The following KSR2 variants were observed in gnomAD, a reference collection of about 807,000 sequenced individuals.
The protein encoded by KSR2 is kinase suppressor of ras 2.
In KSR2, 25 loss-of-function variants were observed where a neutral mutation model predicts 107.8. The observed-to-expected ratio is 0.23, with a 90% CI of 0.17 to 0.32. The LOEUF is 0.32. Ranked by LOEUF, KSR2 falls within the 10% of genes least tolerant of loss-of-function variation. The pLI is 1.00. For missense variants in KSR2, 887 were observed against 1,268.9 expected, an observed-to-expected ratio of 0.70 and a Z score of 4.57; for synonymous variants, 480 against 507.0, an observed-to-expected ratio of 0.95 and a Z score of 0.71.
At chr12:117,493,068 C>T (rs961551325) in intron 14 of KSR2, among the ~76,000 whole-genome samples, 1 of 152,130 alleles carries the variant, frequency 6.6e-6, no homozygotes, top group Non-Finnish European at 1.5e-5. Flanking sequence ...GCAGTAAGTG[C>T]TGCCTCGTGA....
chr12:117,643,227 G>C (rs772610879), intron 5 of KSR2, among the ~76,000 whole-genome samples: 15 of 152,198 alleles, frequency 9.9e-5, no homozygotes, highest in Non-Finnish European at 2.1e-4. Context: ...GATCACTTGA[G>C]GCCGGAAGCG....
intron 4 of KSR2, among the ~76,000 whole-genome samples, chr12:117,671,347 G>C (rs909139386): frequency 5.6e-4 from 86 of 152,314 alleles, no homozygotes; most frequent in African/African-American, 2.0e-3. Context: ...TAGATAGATA[G>C]ATAGATAGAC....
At chr12:117,721,695 CACAA>C (rs376140217) in intron 4 of KSR2, among the ~76,000 whole-genome samples, 16 of 152,266 alleles carry the variant, frequency 1.1e-4, no homozygotes, top group Middle Eastern at 3.4e-3. Context: ...GCATAGGATT[CACAA>C]ACAGAGTGCA....
At chr12:117,588,950 A>T (rs1428996087) in intron 5 of KSR2, among the ~76,000 whole-genome samples, 1 of 152,242 alleles carries the variant, frequency 6.6e-6, no homozygotes, top group Non-Finnish European at 1.5e-5. Context: ...TCTTGCAGCT[A>T]TGTCTTCATT....
intron 5 of KSR2, among the ~76,000 whole-genome samples, chr12:117,659,199 T>C (rs750329161): frequency 1.3e-5 from 2 of 152,122 alleles, no homozygotes; most frequent in South Asian, 2.1e-4. Flanking sequence ...CAGACACAAA[T>C]GGCCCCCTTG....
chr12:117,574,031 GT>G (rs1879082490), intron 7 of KSR2, among the ~76,000 whole-genome samples: 1 of 152,048 alleles, frequency 6.6e-6, no homozygotes, highest in Non-Finnish European at 1.5e-5. Context: ...GCTTGATTTT[GT>G]TTTTTAAACC....
intron 1 of KSR2, among the ~76,000 whole-genome samples, chr12:117,940,952 G>T (rs950283798): frequency 6.6e-6 from 1 of 152,002 alleles, no homozygotes; most frequent in Non-Finnish European, 1.5e-5. Flanking sequence ...CGGGCATGGT[G>T]GTGGTTACCT....
chr12:117,532,269 C>A (rs1321590102), intron 10 of KSR2, among the ~76,000 whole-genome samples: 1 of 152,172 alleles, frequency 6.6e-6, no homozygotes, highest in Non-Finnish European at 1.5e-5. Flanking sequence ...AGCTTAGTTC[C>A]TTCTGAAGGC....
At chr12:117,881,377 T>C (rs1465053544) in intron 1 of KSR2, among the ~76,000 whole-genome samples, 1 of 152,146 alleles carries the variant, frequency 6.6e-6, no homozygotes, top group East Asian at 1.9e-4. Context: ...AACCAGCTGC[T>C]CCTACCTAGA....
intron 5 of KSR2, among the ~76,000 whole-genome samples, chr12:117,639,325 CATTATT>C (rs971331095): frequency 6.6e-6 from 1 of 150,600 alleles, no homozygotes; most frequent in African/African-American, 2.4e-5. Context: ...TTATTATCAT[CATTATT>C]ATTATTATTA....
rs187517742 is a variant in KSR2 at position 117,621,756 on chromosome 12, C to T, written c.1172-39397G>A. 2.0e-5 allele frequency among the ~76,000 whole-genome samples: 3 copies of T among 152,246 alleles called. No homozygotes were observed. The East Asian group carries it at 5.8e-4, about 29-fold the overall frequency. On this transcript the variant is annotated intron_variant, in intron 5 of 19. Transcript: ENST00000339824. ...GTGAAGAGTACATAGGAACTCTATA[C>T]TATTTTTGCAACTTCTTGTGAGCCC... is the stretch of plus-strand genomic sequence containing the variant.
intron 3 of KSR2, among the ~76,000 whole-genome samples, chr12:117,815,703 G>A (rs116687223): frequency 0.024 from 3,637 of 152,012 alleles, 125 homozygotes; most frequent in African/African-American, 0.074. Context: ...GGGCGCAGAC[G>A]CAGTGGCTCA....
At chr12:117,799,240 G>A (rs542553905) in intron 3 of KSR2, among the ~76,000 whole-genome samples, 3 of 152,178 alleles carry the variant, frequency 2.0e-5, no homozygotes, top group Non-Finnish European at 4.4e-5. Context: ...GGTGGCTCAC[G>A]CCTGTAACCC....
rs1475751805 is a variant in KSR2, at chr12:117,686,953, A to G, written c.987-19295T>C. On this transcript the variant is annotated intron_variant, in intron 4 of 19. Coordinates refer to ENST00000339824, the MANE Select transcript of KSR2 (RefSeq NM_173598.6). Reference sequence around the variant, plus strand: ...GTTCCTGAGGGCTTGGAGAGGACTCAGAAGATGCTGGGGCTGGCGGGCTGG... The same window carrying G: ...GTTCCTGAGGGCTTGGAGAGGACTCGGAAGATGCTGGGGCTGGCGGGCTGG... Among the ~76,000 whole-genome samples the G allele has an allele frequency of 3.3e-5, 5 of 152,212 alleles. No individual in the cohort carries two copies. The East Asian group carries it at 5.8e-4, about 18-fold the overall frequency.
intron 14 of KSR2, among the ~76,000 whole-genome samples, chr12:117,486,140 A>C (rs977544314): frequency 4.6e-5 from 7 of 152,238 alleles, no homozygotes; most frequent in Admixed American, 6.5e-5. Context: ...GCTGATGTGT[A>C]TTAAGTATCA....
intron 14 of KSR2, among the ~76,000 whole-genome samples, chr12:117,505,756 G>A (rs1873642442): frequency 6.6e-6 from 1 of 152,138 alleles, no homozygotes; most frequent in Non-Finnish European, 1.5e-5. Context: ...TTGAAGTTTT[G>A]CAAATGTGAC....
At chr12:117,776,679 C>T (rs1889696922) in intron 3 of KSR2, among the ~76,000 whole-genome samples, 1 of 152,004 alleles carries the variant, frequency 6.6e-6, no homozygotes, top group Admixed American at 6.6e-5. Context: ...GATGTTAGGG[C>T]AGGGTCAAAG....
intron 1 of KSR2, among the ~76,000 whole-genome samples, chr12:117,932,284 T>C (rs1895715912): frequency 6.6e-6 from 1 of 151,732 alleles, no homozygotes; most frequent in Admixed American, 6.6e-5. Flanking sequence ...CAAGACTCTG[T>C]CTCAAAAAAT....
intron 4 of KSR2, among the ~76,000 whole-genome samples, chr12:117,692,027 G>A (rs1006985367): frequency 2.6e-5 from 4 of 152,114 alleles, no homozygotes; most frequent in Admixed American, 1.3e-4. Context: ...TTGCCTCTGC[G>A]GGGTGTCACT....
Sources: gnomAD v4.1 joint callset for allele counts (sites outside exome capture counted in the v4.1 genomes callset) on GRCh38, gnomAD v4.1.1 for gene constraint, MANE v1.5 for transcripts, NCBI Gene and HGNC (gene_info 2026-07-23, HGNC 2026-07-21) for gene names.